PPP4R3B: variants seen among roughly 807,000 people sequenced by gnomAD.
PPP4R3B encodes the protein protein phosphatase 4 regulatory subunit 3B.
In PPP4R3B, 52 loss-of-function variants were observed where a neutral mutation model predicts 95.4. The observed-to-expected ratio is 0.54, with a 90% CI of 0.44 to 0.69. The LOEUF (loss-of-function observed/expected upper bound fraction) is 0.69. PPP4R3B is among the 30% of genes least tolerant of loss of function. PPP4R3B has a pLI of 0.00. For missense variants in PPP4R3B, 1,003 were observed against 1,005.9 expected, an observed-to-expected ratio of 1.00 and a Z score of 0.04; for synonymous variants, 407 against 343.9, an observed-to-expected ratio of 1.18 and a Z score of -2.03.
intron 2 of PPP4R3B, among the ~76,000 whole-genome samples, chr2:55,608,490 C>T (rs1239469785): frequency 1.2e-4 from 18 of 152,180 alleles, no homozygotes; most frequent in Admixed American, 1.2e-3. Context: ...ATTCTACCTT[C>T]AATAAAGATC....
rs750113966 is a variant in PPP4R3B at position 55,585,160 on chromosome 2, T to C, written c.1124A>G (p.Asp375Gly). 12 of 1,597,888 alleles carry C rather than the reference T, an allele frequency of 7.5e-6. No individual in the cohort carries two copies. Among genetic ancestry groups the C allele is most frequent in the South Asian group, 2.3e-5 (2 of 86,766 alleles). The change falls in exon 7 of 17, where the codon GAT (aspartate) becomes GGT (glycine). Residue 375 changes from aspartate (D) to glycine (G), a missense_variant. By Grantham distance (94) the Asp-to-Gly change is moderately conservative. Coordinates refer to ENST00000616407, the MANE Select transcript of PPP4R3B (RefSeq NM_001122964.3). ...LPALEIVMGMDDLQVRSAATD... is the reference protein window; with the variant it reads ...LPALEIVMGMGDLQVRSAATD... ...AGCAGCTGATCTGACTTGCAAATCA[T>C]CCATGCCCTGATAAAAGGAAAATTA...
chr2:55,572,663 T>C (rs1311232411), intron 12 of PPP4R3B, among the ~76,000 whole-genome samples: 1 of 152,188 alleles, frequency 6.6e-6, no homozygotes, highest in African/African-American at 2.4e-5. Flanking sequence ...TTAAAAAGTA[T>C]AAAACAGATA....
intron 3 of PPP4R3B, among the ~76,000 whole-genome samples, chr2:55,603,154 T>C (rs1465009343): frequency 6.6e-6 from 1 of 152,144 alleles, no homozygotes; most frequent in African/African-American, 2.4e-5. Flanking sequence ...GGTTCCACCA[T>C]GTTAGCCAGG....
At chr2:55,556,638 AAAAAAAAG>A (rs1685879473) in intron 16 of PPP4R3B, among the ~76,000 whole-genome samples, 1 of 151,854 alleles carries the variant, frequency 6.6e-6, no homozygotes, top group Non-Finnish European at 1.5e-5. Context: ...GATTTAAAAA[AAAAAAAAG>A]AAAAAAAAGA....
intron 1 of PPP4R3B, 33 bp from the exon 2 acceptor site, chr2:55,615,539 C>A: frequency 1.4e-6 from 2 of 1,442,542 alleles, no homozygotes; most frequent in South Asian, 2.4e-5. Context: ...TCATAAGTCT[C>A]AAATGATAAA....
chr2:55,600,857 A>T lies in PPP4R3B; in HGVS notation c.298-1818T>A, dbSNP rs558117239. 2.0e-5 allele frequency among the ~76,000 whole-genome samples: 3 copies of T among 152,264 alleles called. No individual in the cohort carries two copies. The East Asian group carries it at 5.8e-4, about 29-fold the overall frequency. ...ATGAGTAATGTAACAAGGAAAATTCAGTATTAACATTGGTGCCTAAGCTGG... is the reference window on the plus strand; with the variant it reads ...ATGAGTAATGTAACAAGGAAAATTCTGTATTAACATTGGTGCCTAAGCTGG... On this transcript the variant is annotated intron_variant, in intron 3 of 16. Coordinates refer to ENST00000616407, the MANE Select transcript of PPP4R3B (RefSeq NM_001122964.3).
In PPP4R3B at chr2:55,581,557, A is replaced by T; in HGVS notation, c.1365+10T>A. ...GGCCAAAACATTTTTATCTCAGAGT[A>T]ATTTCTTACATTAGTTGTAGCCAGC... On this transcript the variant is annotated intron_variant, in intron 8 of 16. Transcript: ENST00000616407. 1.9e-6 allele frequency: 3 copies of T among 1,605,330 alleles called. No homozygotes were observed. The highest frequency in any genetic ancestry group is 2.5e-6 in the Non-Finnish European group (3 of 1,176,868).
chr2:55,583,967 AGG>A (rs1689768187), intron 7 of PPP4R3B, among the ~76,000 whole-genome samples: 4 of 152,170 alleles, frequency 2.6e-5, no homozygotes, highest in Non-Finnish European at 4.4e-5. Flanking sequence ...GCACTTTAGG[AGG>A]CCGAGATGGG....
At chr2:55,586,057 CTT>C (rs1165842025) in intron 6 of PPP4R3B, among the ~76,000 whole-genome samples, 3 of 151,980 alleles carry the variant, frequency 2.0e-5, no homozygotes, top group Non-Finnish European at 4.4e-5. Context: ...AAACGGTACT[CTT>C]TTCACTAAAT....
In PPP4R3B at chr2:55,548,065, G is replaced by C. The variant is rs1684895168; in HGVS notation, c.*1846C>G. On this transcript the variant is annotated 3_prime_UTR_variant, in exon 17 of 17. Transcript: ENST00000616407. Reference sequence around the variant, plus strand: ...TACTGATCTTAGTTTAAAATATCCTGAGTCACCTGCCTTATGAGGTGGAAG... The same window carrying C: ...TACTGATCTTAGTTTAAAATATCCTCAGTCACCTGCCTTATGAGGTGGAAG... 6.6e-6 allele frequency: 1 copy of C among 152,164 alleles called. No homozygotes were observed. Among genetic ancestry groups the C allele is most frequent in the South Asian group, 2.1e-4 (1 of 4,826 alleles). The allele number at this position is 152,164 out of a possible 1,614,324, so 9.4% of individuals were successfully genotyped here.
At chr2:55,578,682 G>A (rs887585814) in intron 9 of PPP4R3B, among the ~76,000 whole-genome samples, 3 of 151,960 alleles carry the variant, frequency 2.0e-5, no homozygotes, top group Admixed American at 2.0e-4. Flanking sequence ...TACCTGTCAT[G>A]CATATGCACA....
At chr2:55,599,798 T>C (rs953085321) in intron 3 of PPP4R3B, among the ~76,000 whole-genome samples, 2 of 150,672 alleles carry the variant, frequency 1.3e-5, no homozygotes, top group African/African-American at 4.8e-5. Context: ...AACATTACCT[T>C]CACCTTTAAG....
chr2:55,560,533 C>T (rs1686450041), intron 15 of PPP4R3B, among the ~76,000 whole-genome samples: 1 of 152,122 alleles, frequency 6.6e-6, no homozygotes, highest in African/African-American at 2.4e-5. Flanking sequence ...AACACCAGCA[C>T]TTTGGGAGGC....
rs189806269 is a variant in PPP4R3B, at chr2:55,558,496, T to A, written c.2454+279A>T. On this transcript the variant is annotated intron_variant, in intron 16 of 16. Transcript: ENST00000616407. ...GGTGGCACGCGCCTGTAGTCCCAGC[T>A]ACTTGGGAGACTGAGGCAGGAGAAC... Among the ~76,000 whole-genome samples, 54 of 152,112 alleles carry A rather than the reference T, an allele frequency of 3.6e-4. 1 individual carries two copies. In the East Asian group the frequency reaches 0.01, roughly 29 times the overall value.
chr2:55,611,648 C>T lies in PPP4R3B; in HGVS notation c.198+3803G>A, dbSNP rs138699363. Among the ~76,000 whole-genome samples the T allele has an allele frequency of 8.2e-4, 125 of 152,270 alleles. No homozygotes were observed. In the East Asian group the frequency reaches 0.016, roughly 19 times the overall value. ...TTCATTTATGAAAGAAAAGATGTATCTTGAGCACACAATTTAGTAGTTGGC... is the reference window on the plus strand; with the variant it reads ...TTCATTTATGAAAGAAAAGATGTATTTTGAGCACACAATTTAGTAGTTGGC... On this transcript the variant is annotated intron_variant, in intron 2 of 16. Transcript: ENST00000616407.
At chr2:55,612,403 A>G (rs1356072016) in intron 2 of PPP4R3B, among the ~76,000 whole-genome samples, 4 of 152,204 alleles carry the variant, frequency 2.6e-5, no homozygotes, top group African/African-American at 9.7e-5. Context: ...GGAAATCTCA[A>G]TTTGTGTAAC....
Position 55,617,126 on chromosome 2 carries a change from C to T in PPP4R3B, c.142+18G>A, listed in dbSNP as rs751261865. The T allele has an allele frequency of 3.9e-5, 62 of 1,604,216 alleles. No individual in the cohort carries two copies. The highest frequency in any genetic ancestry group is 4.9e-5 in the Non-Finnish European group (58 of 1,175,548). On this transcript the variant is annotated intron_variant, in intron 1 of 16. Coordinates refer to ENST00000616407, the MANE Select transcript of PPP4R3B (RefSeq NM_001122964.3). ...ACCAGAGGCACTATCCCCTATTCTACAGTTCCGATAACCTTACCGTCGGAC... is the reference window on the plus strand; with the variant it reads ...ACCAGAGGCACTATCCCCTATTCTATAGTTCCGATAACCTTACCGTCGGAC...
At chr2:55,612,175 G>A (rs1006450953) in intron 2 of PPP4R3B, among the ~76,000 whole-genome samples, 2 of 152,188 alleles carry the variant, frequency 1.3e-5, no homozygotes, top group African/African-American at 4.8e-5. Context: ...GCTGAGATGG[G>A]AGGATCACTT....
At chr2:55,584,107 T>A (rs192586145) in intron 7 of PPP4R3B, among the ~76,000 whole-genome samples, 1 of 152,064 alleles carries the variant, frequency 6.6e-6, no homozygotes, top group African/African-American at 2.4e-5. Context: ...GAATGCGCCA[T>A]TGCACTCCAG....
Sources: gnomAD v4.1 joint callset for allele counts (sites outside exome capture counted in the v4.1 genomes callset) on GRCh38, gnomAD v4.1.1 for gene constraint, MANE v1.5 for transcripts, NCBI Gene and HGNC (gene_info 2026-07-23, HGNC 2026-07-21) for gene names.